The following RSPO3 variants were observed in gnomAD, a reference collection of about 807,000 sequenced individuals.
The protein encoded by RSPO3 is R-spondin 3, also known as R-spondin-3.
Under a neutral mutation model 36.5 loss-of-function variants are expected in RSPO3, and 17 were observed. The ratio of observed to expected loss-of-function variants is 0.47; its 90% confidence interval spans 0.32 to 0.70. The LOEUF (loss-of-function observed/expected upper bound fraction) is 0.70. RSPO3 is among the 30% of genes least tolerant of loss of function. RSPO3 has a pLI of 0.04. For missense variants in RSPO3, 294 were observed against 322.5 expected (o/e 0.91, Z 0.68); for synonymous variants, 108 against 107.0 (o/e 1.01, Z -0.06).
chr6:127,165,735 A>G (rs2211570), intron 4 of RSPO3, among the ~76,000 whole-genome samples: 4,356 of 152,096 alleles, frequency 0.029, 116 homozygotes, highest in Middle Eastern at 0.12. Context: ...TCAAAAACTA[A>G]TATTTAATAT....
intron 1 of RSPO3, among the ~76,000 whole-genome samples, chr6:127,132,809 T>G (rs1233011530): frequency 2.0e-5 from 3 of 152,126 alleles, no homozygotes; most frequent in Non-Finnish European, 4.4e-5. Context: ...TATTATATAC[T>G]AAGGGATTAC....
At chr6:127,191,509 G>A (rs900947741) in intron 4 of RSPO3, among the ~76,000 whole-genome samples, 8 of 152,150 alleles carry the variant, frequency 5.3e-5, no homozygotes, top group Non-Finnish European at 1.0e-4. Context: ...GTAAAAGACT[G>A]TATGTGTTTA....
chr6:127,177,696 A>T (rs1429362779), intron 4 of RSPO3, among the ~76,000 whole-genome samples: 1 of 151,850 alleles, frequency 6.6e-6, no homozygotes, highest in Non-Finnish European at 1.5e-5. Context: ...AATTGAAAAT[A>T]TTTGTTTACT....
chr6:127,160,229 C>A (rs983700488), intron 4 of RSPO3, among the ~76,000 whole-genome samples: 4 of 152,148 alleles, frequency 2.6e-5, no homozygotes, highest in Non-Finnish European at 5.9e-5. Flanking sequence ...TAGAACCAGA[C>A]CTACAGTATG....
chr6:127,165,753 G>A (rs1293013434), intron 4 of RSPO3, among the ~76,000 whole-genome samples: 1 of 151,870 alleles, frequency 6.6e-6, no homozygotes, highest in Non-Finnish European at 1.5e-5. Context: ...TATTTGCAGT[G>A]TCAGCCTAGT....
At chr6:127,184,786 G>A (rs1292193024) in intron 4 of RSPO3, among the ~76,000 whole-genome samples, 3 of 151,902 alleles carry the variant, frequency 2.0e-5, no homozygotes, top group African/African-American at 7.3e-5. Context: ...GTGAAAGGAT[G>A]ACACTCTCTT....
At chr6:127,140,165 C>T (rs1774241901) in intron 1 of RSPO3, among the ~76,000 whole-genome samples, 1 of 152,026 alleles carries the variant, frequency 6.6e-6, no homozygotes, top group Non-Finnish European at 1.5e-5. Flanking sequence ...GTAAAAAGCA[C>T]AGTGTTGTTA....
rs888938263 is a variant in RSPO3 at position 127,197,962 on chromosome 6, T to A, written c.*1955T>A. On this transcript the variant is annotated 3_prime_UTR_variant, in exon 5 of 5. Coordinates refer to ENST00000356698, the MANE Select transcript of RSPO3 (RefSeq NM_032784.5). ...GTCCCCAGGTTTGAGACCTTTCGGA[T>A]GATTTCATATACCATCTTTCTTCTG... is the stretch of plus-strand genomic sequence containing the variant. Among the ~76,000 whole-genome samples the A allele has an allele frequency of 5.9e-5, 9 of 152,260 alleles. No homozygotes were observed. The highest frequency in any genetic ancestry group is 2.2e-4 in the African/African-American group (9 of 41,486).
At chr6:127,131,227 T>C (rs1774048570) in intron 1 of RSPO3, among the ~76,000 whole-genome samples, 1 of 152,076 alleles carries the variant, frequency 6.6e-6, no homozygotes, top group African/African-American at 2.4e-5. Context: ...CCTGTGGGCA[T>C]TATGTGACCA....
chr6:127,173,303 A>G (rs1233444524), intron 4 of RSPO3, among the ~76,000 whole-genome samples: 1 of 151,852 alleles, frequency 6.6e-6, no homozygotes, highest in Non-Finnish European at 1.5e-5. Context: ...CAAATTGCCA[A>G]CATTGTATTC....
intron 1 of RSPO3, among the ~76,000 whole-genome samples, chr6:127,134,306 G>A (rs1437575452): frequency 1.3e-5 from 2 of 152,172 alleles, no homozygotes; most frequent in Non-Finnish European, 2.9e-5. Context: ...AGTAAGCCTT[G>A]TAATGGTGTG....
At chr6:127,149,770 A>C (rs1439224354) in intron 2 of RSPO3, among the ~76,000 whole-genome samples, 1 of 152,060 alleles carries the variant, frequency 6.6e-6, no homozygotes, top group Non-Finnish European at 1.5e-5. Context: ...TGTGAGCCTC[A>C]GTTTCCTTAT....
At chr6:127,155,535 G>A in intron 4 of RSPO3, 97 bp downstream of exon 4, 1 of 1,122,004 alleles carries the variant, frequency 8.9e-7, no homozygotes, top group Non-Finnish European at 1.3e-6. Flanking sequence ...TATCTTTCAT[G>A]CCTAATATCC....
intron 4 of RSPO3, among the ~76,000 whole-genome samples, chr6:127,179,571 C>A (rs754646847): frequency 1.3e-5 from 2 of 151,788 alleles, no homozygotes; most frequent in Non-Finnish European, 2.9e-5. Context: ...ATAAGAAAAC[C>A]ATTACAAAGT....
chr6:127,137,016 A>G (rs1422303416), intron 1 of RSPO3, among the ~76,000 whole-genome samples: 1 of 152,180 alleles, frequency 6.6e-6, no homozygotes, highest in African/African-American at 2.4e-5. Flanking sequence ...GAAAAAGCAG[A>G]AAACTTGCTG....
intron 1 of RSPO3, 100 bp from the exon 2 acceptor site, chr6:127,148,548 T>C (rs1202437513): frequency 6.8e-6 from 6 of 876,064 alleles, no homozygotes; most frequent in Non-Finnish European, 9.9e-6. Flanking sequence ...TACCAACAAA[T>C]TGAAAGCTAA....
At chr6:127,155,188 A>G in intron 3 of RSPO3, 53 bp from the exon 4 acceptor site, 1 of 1,553,148 alleles carries the variant, frequency 6.4e-7, no homozygotes, top group Non-Finnish European at 8.9e-7. Flanking sequence ...TAACTCAACA[A>G]TAGTGAAAGT....
intron 3 of RSPO3, among the ~76,000 whole-genome samples, chr6:127,153,432 A>G (rs1774529755): frequency 6.6e-6 from 1 of 151,804 alleles, no homozygotes; most frequent in Non-Finnish European, 1.5e-5. Context: ...AATTCACCTC[A>G]TTTCATGGTG....
intron 1 of RSPO3, among the ~76,000 whole-genome samples, chr6:127,141,207 T>C (rs539779104): frequency 3.9e-5 from 6 of 152,336 alleles, no homozygotes; most frequent in Admixed American, 2.6e-4. Flanking sequence ...AGTGTATCCA[T>C]ATACAGTGAA....
Sources: allele counts gnomAD v4.1 joint callset (sites outside exome capture counted in the v4.1 genomes callset), GRCh38; gene constraint gnomAD v4.1.1; transcripts MANE v1.5; gene names NCBI Gene and HGNC (gene_info 2026-07-23, HGNC 2026-07-21).